The following AFF2 variants were observed in gnomAD, a reference collection of about 807,000 sequenced individuals.
The protein encoded by AFF2 is AF4/FMR2 family member 2.
In AFF2, 14 loss-of-function variants were observed where a neutral mutation model predicts 76.9. That is an observed-to-expected ratio of 0.18 (90% CI 0.12 to 0.28). The LOEUF (loss-of-function observed/expected upper bound fraction) is 0.28, where lower values mean the gene tolerates loss of function less well. AFF2 is among the 10% of genes least tolerant of loss of function. AFF2 has a pLI of 1.00. For synonymous variants in AFF2, 398 were observed against 366.7 expected (o/e 1.09, Z -0.98); for missense variants, 868 against 1,001.1 (o/e 0.87, Z 1.79).
At chrX:148,609,742 C>G (rs1321586824) in intron 1 of AFF2, among the ~76,000 whole-genome samples, 1 of 111,553 alleles carries the variant, frequency 9.0e-6, no homozygotes, top group African/African-American at 3.3e-5. Context: ...AAGCCTGTAC[C>G]CTGAGACACA....
chrX:148,765,177 TGCCCG>T (rs1557267607), intron 3 of AFF2, among the ~76,000 whole-genome samples: 1 of 111,963 alleles, frequency 8.9e-6, no homozygotes, highest in Non-Finnish European at 1.9e-5. Flanking sequence ...TGAGCCACCA[TGCCCG>T]GCCAATCTTA....
intron 1 of AFF2, among the ~76,000 whole-genome samples, chrX:148,599,896 T>TA (rs1202924635): frequency 1.8e-5 from 2 of 111,806 alleles, no homozygotes; most frequent in African/African-American, 6.5e-5. Flanking sequence ...TATAATCATC[T>TA]AAGTGCATGT....
chrX:148,711,688 G>A (rs1352329735), intron 3 of AFF2, among the ~76,000 whole-genome samples: 1 of 111,962 alleles, frequency 8.9e-6, no homozygotes, highest in Non-Finnish European at 1.9e-5. Flanking sequence ...AGGCAATATG[G>A]TTCAGCTTTT....
intron 18 of AFF2, among the ~76,000 whole-genome samples, chrX:148,978,956 A>G (rs1323534327): frequency 2.7e-5 from 3 of 112,128 alleles, no homozygotes; most frequent in African/African-American, 6.5e-5. Flanking sequence ...ACCAAAACAA[A>G]CAAACAAAGC....
intron 1 of AFF2, among the ~76,000 whole-genome samples, chrX:148,524,825 A>G (rs1347689286): frequency 8.9e-6 from 1 of 112,163 alleles, no homozygotes; most frequent in African/African-American, 3.2e-5. Flanking sequence ...TCCTTTACTA[A>G]GGGCTGTAAC....
At chrX:148,839,659 C>A (rs1487156673) in intron 5 of AFF2, among the ~76,000 whole-genome samples, 1 of 111,748 alleles carries the variant, frequency 8.9e-6, no homozygotes, top group Non-Finnish European at 1.9e-5. Flanking sequence ...ATGGCCATCC[C>A]TATATGTAAC....
chrX:148,924,029 G>A (rs2071623974), intron 9 of AFF2, among the ~76,000 whole-genome samples: 1 of 111,881 alleles, frequency 8.9e-6, no homozygotes, highest in African/African-American at 3.2e-5. Context: ...GCAAATAAAC[G>A]AGGCCTAATT....
Position 148,994,101 on chromosome X carries a change from TTAAA to T in AFF2, c.*2773_*2776del, listed in dbSNP as rs782764397. 1.9e-3 allele frequency: 210 copies of T among 111,244 alleles called. No homozygotes were observed. The highest frequency in any genetic ancestry group is 6.6e-3 in the African/African-American group (202 of 30,440). 9.2% of individuals were successfully genotyped at this position (111,244 alleles called of 1,213,427 possible). A position where few individuals can be genotyped will look rare whatever the true frequency, so the allele number is the denominator to read the frequency against. On this transcript the variant is annotated 3_prime_UTR_variant, in exon 21 of 21. Coordinates refer to ENST00000370460, the MANE Select transcript of AFF2 (RefSeq NM_002025.4). ...TTGATGGAGGCTTGGTGAGACACAC[TTAAA>T]TAAGCACGTGGAGGTTAGAATAGAG...
In AFF2 at chrX:148,873,847, CT is replaced by C. The variant is rs2071006039; in HGVS notation, c.1263-12041del. On this transcript the variant is annotated intron_variant, in intron 7 of 20. Transcript: ENST00000370460. ...AAAGGTTCAAAGTGCTTTGATTGAA[CT>C]AACATGTTATTCCTAGGATGATTGG... Among the ~76,000 whole-genome samples the C allele has an allele frequency of 2.7e-5, 3 of 111,882 alleles. No homozygotes were observed. The South Asian group carries it at 1.1e-3, about 42-fold the overall frequency.
chrX:148,515,907 C>T (rs1557233755), intron 1 of AFF2, among the ~76,000 whole-genome samples: 1 of 111,797 alleles, frequency 8.9e-6, no homozygotes, highest in African/African-American at 3.3e-5. Flanking sequence ...CCAGCTTCTG[C>T]TAGCCAAAAA....
chrX:148,633,375 C>T (rs1365360906), intron 1 of AFF2, among the ~76,000 whole-genome samples: 1 of 111,849 alleles, frequency 8.9e-6, no homozygotes, highest in African/African-American at 3.3e-5. Context: ...CTACATGCAG[C>T]CTCTTCTACT....
intron 4 of AFF2, among the ~76,000 whole-genome samples, chrX:148,811,179 G>A (rs183838857): frequency 3.6e-5 from 4 of 111,146 alleles, no homozygotes; most frequent in East Asian, 2.8e-4. Context: ...TGTGTTCCTC[G>A]TGAGAATGTA....
chrX:148,825,815 A>G (rs1312880488), intron 4 of AFF2, among the ~76,000 whole-genome samples: 2 of 104,752 alleles, frequency 1.9e-5, no homozygotes, highest in Non-Finnish European at 3.9e-5. Context: ...GAGAGACTAG[A>G]TGAGCAGGAG....
intron 1 of AFF2, among the ~76,000 whole-genome samples, chrX:148,598,915 T>C (rs5980545): frequency 0.033 from 3,749 of 112,792 alleles, 169 homozygotes; most frequent in African/African-American, 0.12. Flanking sequence ...TTTCATTTCA[T>C]GTTTCCCTTC....
chrX:148,546,517 C>T (rs1295299463), intron 1 of AFF2, among the ~76,000 whole-genome samples: 2 of 112,242 alleles, frequency 1.8e-5, no homozygotes, highest in Non-Finnish European at 1.9e-5. Flanking sequence ...ACTTCCCCAT[C>T]GTAGTAGAGG....
At chrX:148,712,995 T>C (rs2054987057) in intron 3 of AFF2, among the ~76,000 whole-genome samples, 1 of 110,412 alleles carries the variant, frequency 9.1e-6, no homozygotes, top group Non-Finnish European at 1.9e-5. Flanking sequence ...TTTCTAAGAG[T>C]GGTTAGGAGA....
intron 1 of AFF2, among the ~76,000 whole-genome samples, chrX:148,552,063 C>A (rs1228734248): frequency 8.9e-6 from 1 of 112,800 alleles, no homozygotes; most frequent in Non-Finnish European, 1.9e-5. Flanking sequence ...GTCTTTACTA[C>A]TCTCCTGGGA....
chrX:148,706,728 C>A (rs1557262426), intron 3 of AFF2, among the ~76,000 whole-genome samples: 1 of 112,698 alleles, frequency 8.9e-6, no homozygotes, highest in African/African-American at 3.2e-5. Flanking sequence ...TTCAGCTTTA[C>A]TGACCATTTG....
rs1449398500 is a variant in AFF2 at position 148,995,940 on chromosome X, T to C, written c.*4608T>C. ...CTGAAGAATGCCCCAGCTGATGCTT[T>C]CAGCTGGGAATAGTTTGTTCCTATT... On this transcript the variant is annotated 3_prime_UTR_variant, in exon 21 of 21. Coordinates refer to ENST00000370460, the MANE Select transcript of AFF2 (RefSeq NM_002025.4). 1.8e-5 allele frequency: 2 copies of C among 112,841 alleles called. No individual in the cohort carries two copies. Among genetic ancestry groups the C allele is most frequent in the African/African-American group, 6.5e-5 (2 of 30,997 alleles). The allele number at this position is 112,841 out of a possible 1,213,427, so 9.3% of individuals were successfully genotyped here.
Sources: allele counts gnomAD v4.1 joint callset (sites outside exome capture counted in the v4.1 genomes callset), GRCh38; gene constraint gnomAD v4.1.1; transcripts MANE v1.5; gene names NCBI Gene and HGNC (gene_info 2026-07-23, HGNC 2026-07-21).